INTS13: variants seen among roughly 807,000 people sequenced by gnomAD.
The protein encoded by INTS13 is asunder, spermatogenesis regulator homolog (Drosphila).
INTS13 carries 35 observed loss-of-function variants against 90.2 expected under a neutral mutation model. That is an observed-to-expected ratio of 0.39 (90% CI 0.30 to 0.51). The LOEUF is 0.51. Ranked by LOEUF, INTS13 falls within the 20% of genes least tolerant of loss-of-function variation. INTS13 has a pLI of 0.80. For synonymous variants in INTS13, 309 were observed against 277.1 expected, an observed-to-expected ratio of 1.11 and a Z score of -1.14; for missense variants, 601 against 851.2, an observed-to-expected ratio of 0.71 and a Z score of 3.66.
chr12:26,925,307 T>C (rs2137517243), intron 6 of INTS13, among the ~76,000 whole-genome samples: 1 of 152,228 alleles, frequency 6.6e-6, no homozygotes, highest in African/African-American at 2.4e-5. Flanking sequence ...ATCAACAGGA[T>C]CATCTATTCC....
At chr12:26,913,745 G>A (rs1951856097) in intron 13 of INTS13, 58 bp from the exon 14 acceptor site, 2 of 1,426,498 alleles carry the variant, frequency 1.4e-6, no homozygotes, top group South Asian at 2.6e-5. Flanking sequence ...CTTTCTAGTG[G>A]TAAAGTAAAA....
intron 8 of INTS13, among the ~76,000 whole-genome samples, chr12:26,922,345 C>A (rs1337086609): frequency 6.6e-6 from 1 of 152,188 alleles, no homozygotes; most frequent in Non-Finnish European, 1.5e-5. Flanking sequence ...AGACTACATT[C>A]ATATAACTTT....
intron 14 of INTS13, among the ~76,000 whole-genome samples, chr12:26,913,044 TTGTC>T (rs760486377): frequency 6.6e-6 from 1 of 152,190 alleles, no homozygotes; most frequent in East Asian, 1.9e-4. Context: ...AATCACTAAT[TTGTC>T]TGTCTCTAGC....
At chr12:26,928,502 C>T (rs1169915227) in intron 4 of INTS13, among the ~76,000 whole-genome samples, 1 of 138,512 alleles carries the variant, frequency 7.2e-6, no homozygotes, top group Admixed American at 7.4e-5. Flanking sequence ...AAACAGTTTT[C>T]AATGAGATAA....
Position 26,914,444 on chromosome 12 carries a change from C to G in INTS13, c.1383G>C (p.Met461Ile). ...TAAAAATGGTGGTTTGTGAAATGAT[C>G]ATAGGCCAGTAACGGGTATGTTTTT... is the stretch of plus-strand genomic sequence containing the variant. The part of the protein sequence containing the change: ...QLEKHTRYWP[M>I]IISQTTIFNM... The change falls in exon 12 of 17, where the codon ATG becomes ATC. Residue 461 changes from methionine to isoleucine, a missense_variant. Met to Ile is a conservative substitution (Grantham distance 10). Around this residue, in one of 3 missense-constraint regions of INTS13, gnomAD observed 89 missense variants for 191.0 expected, o/e 0.47. Coordinates refer to ENST00000261191, the MANE Select transcript of INTS13 (RefSeq NM_018164.3). The G allele has an allele frequency of 1.2e-6, 2 of 1,613,814 alleles. No individual in the cohort carries two copies. The highest frequency in any genetic ancestry group is 1.7e-6 in the Non-Finnish European group (2 of 1,179,898).
At position 26,913,407 on chromosome 12, in the gene INTS13, T is replaced by A; in HGVS notation, c.1805+50A>T. 2.3e-6 allele frequency: 3 copies of A among 1,331,778 alleles called. No individual in the cohort carries two copies. In the Middle Eastern group the frequency reaches 5.5e-4, roughly 242 times the overall value. The allele number at this position is 1,331,778 out of a possible 1,614,324, so 82.5% of individuals were successfully genotyped here. ...ATGTATGAAAGTGTTCTATGCAGAA[T>A]GTGATATAACAAAAGGCACCATGGT... is the stretch of plus-strand genomic sequence containing the variant. On this transcript the variant is annotated intron_variant, in intron 14 of 16. Transcript: ENST00000261191.
intron 5 of INTS13, among the ~76,000 whole-genome samples, chr12:26,927,982 A>G (rs1339574613): frequency 6.6e-6 from 1 of 152,232 alleles, no homozygotes; most frequent in Non-Finnish European, 1.5e-5. Context: ...TTATAAATTT[A>G]TGTATTATTT....
intron 8 of INTS13, 59 bp from the exon 9 acceptor site, chr12:26,917,792 T>A: frequency 8.9e-7 from 1 of 1,128,356 alleles, no homozygotes; most frequent in Non-Finnish European, 1.3e-6. Flanking sequence ...CATCACACTG[T>A]ATCCCATAAA....
chr12:26,914,244 T>C, intron 12 of INTS13, 116 bp from the exon 13 acceptor site: 1 of 1,178,372 alleles, frequency 8.5e-7, no homozygotes, highest in East Asian at 2.6e-5. Flanking sequence ...TGAAGGAATC[T>C]ATAACTATCA....
intron 3 of INTS13, among the ~76,000 whole-genome samples, chr12:26,930,864 A>AT (rs1225030091): frequency 6.6e-6 from 1 of 152,212 alleles, no homozygotes; most frequent in Non-Finnish European, 1.5e-5. Context: ...CTTTCACAGT[A>AT]TTTAAAAAAG....
At chr12:26,937,065 T>A (rs367943442) in intron 1 of INTS13, among the ~76,000 whole-genome samples, 17 of 152,366 alleles carry the variant, frequency 1.1e-4, no homozygotes, top group East Asian at 7.7e-4. Context: ...TTTTTGGTTT[T>A]GCTTTTAAAA....
chr12:26,936,032 C>T (rs770181958), intron 2 of INTS13, among the ~76,000 whole-genome samples: 1 of 152,156 alleles, frequency 6.6e-6, no homozygotes, highest in South Asian at 2.1e-4. Flanking sequence ...TATGGCCAAA[C>T]AATACAGCAG....
intron 3 of INTS13, among the ~76,000 whole-genome samples, chr12:26,931,318 C>T (rs933982043): frequency 2.6e-5 from 4 of 152,052 alleles, no homozygotes; most frequent in Non-Finnish European, 5.9e-5. Context: ...GTGGCACACA[C>T]CTGTAGTCCC....
chr12:26,925,315 T>C (rs1391736972), intron 6 of INTS13, among the ~76,000 whole-genome samples: 14 of 152,152 alleles, frequency 9.2e-5, no homozygotes, highest in Admixed American at 9.2e-4. Flanking sequence ...GATCATCTAT[T>C]CCTTTAAAAT....
chr12:26,917,511 A>G, intron 9 of INTS13, 70 bp from the exon 10 acceptor site: 11 of 1,279,442 alleles, frequency 8.6e-6, no homozygotes, highest in Non-Finnish European at 1.2e-5. Context: ...GAAAGAAAAA[A>G]AAACTTCTTC....
Position 26,923,215 on chromosome 12 carries a change from C to T in INTS13, c.805-515G>A, listed in dbSNP as rs1338306805. ...AACATTATCTGTTTACCAAAAAACA[C>T]AAAGATTGAAGAGTCACACCAGTAG... On this transcript the variant is annotated intron_variant, in intron 7 of 16. Coordinates refer to ENST00000261191, the MANE Select transcript of INTS13 (RefSeq NM_018164.3). 4.6e-5 allele frequency among the ~76,000 whole-genome samples: 7 copies of T among 152,108 alleles called. No homozygotes were observed. The South Asian group carries it at 1.2e-3, about 27-fold the overall frequency.
At chr12:26,909,369 A>C (rs1951708141) in intron 15 of INTS13, among the ~76,000 whole-genome samples, 1 of 152,176 alleles carries the variant, frequency 6.6e-6, no homozygotes, top group African/African-American at 2.4e-5. Context: ...TCAATAAATA[A>C]ATAAATACAT....
chr12:26,925,901 G>A (rs1049259421), intron 5 of INTS13, 50 bp from the exon 6 acceptor site: 2 of 1,335,908 alleles, frequency 1.5e-6, no homozygotes, highest in South Asian at 2.4e-5. Context: ...AGTATGTAAA[G>A]AATTCAAGCA....
intron 8 of INTS13, 71 bp from the exon 9 acceptor site, chr12:26,917,804 A>T: frequency 1.6e-4 from 112 of 714,760 alleles, no homozygotes; most frequent in Non-Finnish European, 2.5e-4. Context: ...TCCCATAAAT[A>T]TGTACAATTA....
Sources: gnomAD v4.1 joint callset for allele counts (sites outside exome capture counted in the v4.1 genomes callset) on GRCh38, gnomAD v4.1.1 for gene constraint, gnomAD v4.1.1 regional missense constraint, MANE v1.5 for transcripts, NCBI Gene and HGNC (gene_info 2026-07-23, HGNC 2026-07-21) for gene names.